RNF150: variants seen among roughly 807,000 people sequenced by gnomAD.
RNF150 encodes the protein ring finger protein 150.
A neutral mutation model predicts 39.3 loss-of-function variants in RNF150; 24 were observed. The ratio of observed to expected loss-of-function variants is 0.61; its 90% confidence interval spans 0.44 to 0.86. RNF150 has a LOEUF of 0.86. Among genes scored for constraint, RNF150 ranks in the 40% least tolerant of loss-of-function variants. The pLI, the probability that RNF150 is intolerant of heterozygous loss-of-function variation, is 0.00. For missense variants in RNF150, 502 were observed against 587.8 expected, an observed-to-expected ratio of 0.85 and a Z score of 1.51; for synonymous variants, 255 against 227.3, an observed-to-expected ratio of 1.12 and a Z score of -1.10.
chr4:140,987,324 A>C (rs1734048326), intron 1 of RNF150, among the ~76,000 whole-genome samples: 1 of 152,122 alleles, frequency 6.6e-6, no homozygotes. Context: ...TCCTAAGCAA[A>C]AACAACAAAG....
chr4:141,204,158 G>A (rs1003923023), intron 1 of RNF150, among the ~76,000 whole-genome samples: 9 of 152,172 alleles, frequency 5.9e-5, no homozygotes, highest in African/African-American at 2.2e-4. Context: ...ATAGGCTGCA[G>A]TTTTGAAGAA....
At chr4:141,032,113 A>G (rs1735972378) in intron 1 of RNF150, among the ~76,000 whole-genome samples, 2 of 152,216 alleles carry the variant, frequency 1.3e-5, no homozygotes, top group South Asian at 4.1e-4. Flanking sequence ...GCCTTAAAAA[A>G]GAAGGAAATT....
At chr4:140,925,843 G>T in intron 5 of RNF150, 134 bp downstream of exon 5, 1 of 655,814 alleles carries the variant, frequency 1.5e-6, no homozygotes, top group Non-Finnish European at 2.7e-6. Context: ...AGTTCTCTTG[G>T]AGCCTTGTAA....
chr4:141,144,921 T>C (rs905238276), intron 1 of RNF150, among the ~76,000 whole-genome samples: 11 of 152,208 alleles, frequency 7.2e-5, no homozygotes, highest in Non-Finnish European at 1.5e-4. Context: ...TGACATCAGC[T>C]AATAATTTAA....
At chr4:140,909,599 T>G (rs1730516102) in intron 6 of RNF150, among the ~76,000 whole-genome samples, 1 of 152,156 alleles carries the variant, frequency 6.6e-6, no homozygotes, top group African/African-American at 2.4e-5. Context: ...TATACAGGGT[T>G]AAGTAAAAAT....
intron 1 of RNF150, among the ~76,000 whole-genome samples, chr4:141,163,137 T>TCTGTACACAAC: frequency 6.6e-6 from 1 of 152,246 alleles, no homozygotes; most frequent in South Asian, 2.1e-4. Context: ...CCACCATTAC[T>TCTGTACACAAC]AAGGCTTGAG....
chr4:140,910,110 GT>G (rs1467740190), intron 6 of RNF150, among the ~76,000 whole-genome samples: 4 of 151,960 alleles, frequency 2.6e-5, no homozygotes, highest in African/African-American at 7.3e-5. Flanking sequence ...CAACAATGAA[GT>G]TTTTTCATCA....
At chr4:141,097,134 A>C (rs1021258371) in intron 1 of RNF150, among the ~76,000 whole-genome samples, 4 of 152,200 alleles carry the variant, frequency 2.6e-5, no homozygotes, top group Admixed American at 1.3e-4. Flanking sequence ...AACAGACCAT[A>C]ATCTGCAGAC....
At chr4:140,993,313 T>A (rs1734259200) in intron 1 of RNF150, among the ~76,000 whole-genome samples, 2 of 152,156 alleles carry the variant, frequency 1.3e-5, no homozygotes, top group African/African-American at 4.8e-5. Context: ...GCTTCCTTCA[T>A]CATCTCTTTT....
chr4:140,913,389 C>A (rs1730693719), intron 5 of RNF150, among the ~76,000 whole-genome samples: 1 of 152,154 alleles, frequency 6.6e-6, no homozygotes, highest in Non-Finnish European at 1.5e-5. Flanking sequence ...ACTTTTCTGG[C>A]CTCACCTTCA....
intron 1 of RNF150, among the ~76,000 whole-genome samples, chr4:141,190,230 T>C (rs1048427382): frequency 1.3e-5 from 2 of 152,338 alleles, no homozygotes; most frequent in East Asian, 1.9e-4. Context: ...ACCTTCTGCA[T>C]TGGTCTCGCT....
At chr4:141,134,062 T>C (rs748655877), upstream of RNF150, among the ~76,000 whole-genome samples, 1 of 152,214 alleles carries the variant, frequency 6.6e-6, no homozygotes, top group Non-Finnish European at 1.5e-5. Flanking sequence ...TAACATTCGT[T>C]TTCTTATAGA....
At chr4:140,876,732 C>T (rs6818657) in intron 6 of RNF150, among the ~76,000 whole-genome samples, 3,009 of 152,314 alleles carry the variant, frequency 0.02, 96 homozygotes, top group African/African-American at 0.069. Flanking sequence ...GTGAAATTGA[C>T]AGTTGTACTA....
At chr4:141,028,027 T>A (rs925574593) in intron 1 of RNF150, among the ~76,000 whole-genome samples, 2 of 140,234 alleles carry the variant, frequency 1.4e-5, no homozygotes. Flanking sequence ...ATATAGCAGA[T>A]GATGGACTTC....
In RNF150 at chr4:140,860,498, G is replaced by A. The variant is rs1240152838; in HGVS notation, c.*7763C>T. 2 of 152,144 alleles carry A rather than the reference G, an allele frequency of 1.3e-5. No homozygotes were observed. Among genetic ancestry groups the A allele is most frequent in the Non-Finnish European group, 2.9e-5 (2 of 68,024 alleles). The allele number at this position is 152,144 out of a possible 1,614,324, so 9.4% of individuals were successfully genotyped here. On this transcript the variant is annotated 3_prime_UTR_variant, in exon 7 of 7. Coordinates refer to ENST00000515673, the MANE Select transcript of RNF150 (RefSeq NM_020724.2). ...GAATATGGAGAGGATAGACAATGCCGAGATGGAACCATCATCTACTACCTG... is the reference window on the plus strand; with the variant it reads ...GAATATGGAGAGGATAGACAATGCCAAGATGGAACCATCATCTACTACCTG...
At chr4:141,029,048 G>C (rs2292204) in intron 1 of RNF150, among the ~76,000 whole-genome samples, 3,858 of 152,236 alleles carry the variant, frequency 0.025, 124 homozygotes, top group East Asian at 0.17. Flanking sequence ...GGGTGGCCTA[G>C]ATATTTTTAC....
At chr4:141,111,497 T>C (rs1739382391) in intron 1 of RNF150, among the ~76,000 whole-genome samples, 1 of 152,050 alleles carries the variant, frequency 6.6e-6, no homozygotes, top group African/African-American at 2.4e-5. Context: ...GAGGGCCTTC[T>C]TGGCTTACTT....
chr4:141,195,545 G>A (rs1041798986), intron 1 of RNF150, among the ~76,000 whole-genome samples: 1 of 152,134 alleles, frequency 6.6e-6, no homozygotes, highest in African/African-American at 2.4e-5. Context: ...TGGGTAGAAG[G>A]TTGGGGGATG....
intron 1 of RNF150, among the ~76,000 whole-genome samples, chr4:141,142,793 C>G (rs576780540): frequency 1.3e-5 from 2 of 152,180 alleles, no homozygotes; most frequent in East Asian, 3.9e-4. Context: ...AGGCTCTGAC[C>G]TAAGGATTGC....
Sources: allele counts gnomAD v4.1 joint callset (sites outside exome capture counted in the v4.1 genomes callset), GRCh38; gene constraint gnomAD v4.1.1; transcripts MANE v1.5; gene names NCBI Gene and HGNC (gene_info 2026-07-23, HGNC 2026-07-21).